Variants in HDAC9 observed in about 807,000 individuals in gnomAD.
The protein encoded by HDAC9 is MEF-2 interacting transcription repressor (MITR) protein.
In HDAC9, 41 loss-of-function variants were observed where a neutral mutation model predicts 139.4. The observed-to-expected ratio is 0.29, with a 90% CI of 0.23 to 0.38. The LOEUF (loss-of-function observed/expected upper bound fraction) is 0.38. HDAC9 is among the 10% of genes least tolerant of loss of function. The pLI is 1.00. For missense variants in HDAC9, 1,147 were observed against 1,297.0 expected, an observed-to-expected ratio of 0.88 and a Z score of 1.78; for synonymous variants, 517 against 476.2, an observed-to-expected ratio of 1.09 and a Z score of -1.12.
chr7:18,938,554 C>G (rs929083547), intron 23 of HDAC9, among the ~76,000 whole-genome samples: 1 of 151,996 alleles, frequency 6.6e-6, no homozygotes, highest in Non-Finnish European at 1.5e-5. Flanking sequence ...GAGATGGCAC[C>G]ACTGCATTCC....
At chr7:18,168,528 T>C (rs1196067074) in intron 2 of HDAC9, among the ~76,000 whole-genome samples, 1 of 152,164 alleles carries the variant, frequency 6.6e-6, no homozygotes, top group African/African-American at 2.4e-5. Context: ...TCTGTATAGA[T>C]TGGAGTTTAC....
intron 12 of HDAC9, among the ~76,000 whole-genome samples, chr7:18,680,937 G>A (rs971437927): frequency 3.3e-5 from 5 of 152,040 alleles, no homozygotes; most frequent in Admixed American, 1.3e-4. Flanking sequence ...AAAAAAGGAT[G>A]ACATTTGGCC....
chr7:18,710,188 C>G (rs1010487548), intron 12 of HDAC9, among the ~76,000 whole-genome samples: 1 of 152,084 alleles, frequency 6.6e-6, no homozygotes, highest in Non-Finnish European at 1.5e-5. Context: ...ATGGAAGAAA[C>G]CCACCCCCAT....
rs537678514 is a variant in HDAC9 at position 18,144,873 on chromosome 7, A to T, written c.-96-17356A>T. 1.4e-4 allele frequency among the ~76,000 whole-genome samples: 21 copies of T among 152,254 alleles called. No individual in the cohort carries two copies. The South Asian group carries it at 4.2e-3, about 30-fold the overall frequency. ...TTCTTCTAACCACCTTGAAGTTTCA[A>T]ACTCCCTGAGGTCTGAGGAATGAAG... On this transcript the variant is annotated intron_variant, in intron 1 of 12. Coordinates refer to the HDAC9 transcript ENST00000417496.
intron 17 of HDAC9, among the ~76,000 whole-genome samples, chr7:18,796,487 A>AT (rs1229511010): frequency 1.3e-5 from 2 of 152,216 alleles, no homozygotes; most frequent in African/African-American, 4.8e-5. Context: ...AAATTGGTAT[A>AT]TTTTTTGGCA....
intron 1 of HDAC9, among the ~76,000 whole-genome samples, chr7:18,132,548 G>A (rs528006812): frequency 7.5e-4 from 114 of 152,090 alleles, no homozygotes; most frequent in South Asian, 4.0e-3. Flanking sequence ...AGCTGAAACC[G>A]CAGGCACATA....
intron 22 of HDAC9, among the ~76,000 whole-genome samples, chr7:18,879,635 T>A (rs534601921): frequency 2.0e-5 from 3 of 152,152 alleles, no homozygotes; most frequent in Admixed American, 2.0e-4. Flanking sequence ...CTGGACCCCT[T>A]CCTTACACCA....
chr7:18,956,712 G>A (rs1291110985), intron 24 of HDAC9, among the ~76,000 whole-genome samples: 1 of 152,108 alleles, frequency 6.6e-6, no homozygotes, highest in African/African-American at 2.4e-5. Context: ...GCAACTCAGG[G>A]GGAAGTTCAA....
At chr7:18,107,416 A>G (rs1218836127) in intron 1 of HDAC9, among the ~76,000 whole-genome samples, 2 of 152,172 alleles carry the variant, frequency 1.3e-5, no homozygotes, top group African/African-American at 4.8e-5. Context: ...GACTACTAGC[A>G]TTTGCCCTAC....
rs116922109 is a variant in HDAC9, at chr7:18,789,385, G to A, written c.2215-3960G>A. ...AATAAGTTGTTGGAGAGACAAAGGA[G>A]AATTTATGTGCATGGAAAGAAAAAT... On this transcript the variant is annotated intron_variant, in intron 16 of 25. Transcript: ENST00000686413. Among the ~76,000 whole-genome samples the A allele has an allele frequency of 2.7e-3, 406 of 152,062 alleles. 7 individuals are homozygous for A. The highest frequency in any genetic ancestry group is 0.016 in the Admixed American group (239 of 15,270).
chr7:18,129,350 T>C (rs1372526328), intron 1 of HDAC9, among the ~76,000 whole-genome samples: 1 of 152,128 alleles, frequency 6.6e-6, no homozygotes, highest in Non-Finnish European at 1.5e-5. Flanking sequence ...AATGTGTCTT[T>C]CTCTCATGCT....
At chr7:18,170,067 C>T (rs960328587) in intron 2 of HDAC9, among the ~76,000 whole-genome samples, 1 of 152,164 alleles carries the variant, frequency 6.6e-6, no homozygotes, top group African/African-American at 2.4e-5. Context: ...CTAGTTTGCA[C>T]TCCCACCAAC....
intron 1 of HDAC9, among the ~76,000 whole-genome samples, chr7:18,390,001 AT>A (rs1281304743): frequency 6.6e-6 from 1 of 150,670 alleles, no homozygotes; most frequent in Non-Finnish European, 1.5e-5. Flanking sequence ...TTCTGAAAAA[AT>A]AAGATATTTT....
chr7:18,281,554 A>G (rs938076436), intron 2 of HDAC9, among the ~76,000 whole-genome samples: 4 of 152,208 alleles, frequency 2.6e-5, no homozygotes, highest in African/African-American at 9.6e-5. Context: ...TTTGACTCCA[A>G]AGCTTCAGCG....
intron 1 of HDAC9, among the ~76,000 whole-genome samples, chr7:18,478,192 C>T (rs1795271266): frequency 1.3e-5 from 2 of 152,156 alleles, no homozygotes; most frequent in Admixed American, 1.3e-4. Context: ...CTGCCTCAGC[C>T]TCCCGAGTAG....
At chr7:18,550,958 G>T (rs1029887060) in intron 2 of HDAC9, among the ~76,000 whole-genome samples, 1 of 152,208 alleles carries the variant, frequency 6.6e-6, no homozygotes, top group Non-Finnish European at 1.5e-5. Flanking sequence ...TGTTGAGAAA[G>T]ACATTGGCTT....
chr7:18,910,550 T>C (rs754658217), intron 22 of HDAC9, among the ~76,000 whole-genome samples: 2 of 151,986 alleles, frequency 1.3e-5, no homozygotes, highest in Non-Finnish European at 2.9e-5. Flanking sequence ...TCTTGCCTAA[T>C]TGCTCTGACT....
At chr7:18,656,912 G>T (rs112897397) in intron 11 of HDAC9, among the ~76,000 whole-genome samples, 6 of 152,074 alleles carry the variant, frequency 3.9e-5, no homozygotes, top group African/African-American at 1.4e-4. Flanking sequence ...AACAGCGTAC[G>T]ACGGTTCCCC....
intron 7 of HDAC9, among the ~76,000 whole-genome samples, chr7:18,634,328 C>T (rs1338653519): frequency 1.3e-5 from 2 of 149,078 alleles, no homozygotes; most frequent in East Asian, 2.0e-4. Context: ...AGATTCCTTT[C>T]TTCAGTTTTT....
Sources: allele counts gnomAD v4.1 joint callset (sites outside exome capture counted in the v4.1 genomes callset), GRCh38; gene constraint gnomAD v4.1.1; transcripts MANE v1.5; gene names NCBI Gene and HGNC (gene_info 2026-07-23, HGNC 2026-07-21).